The following SLC4A7 variants were observed in gnomAD, a reference collection of about 807,000 sequenced individuals.
SLC4A7 encodes the protein sodium bicarbonate cotransporter 3.
A neutral mutation model predicts 137.6 loss-of-function variants in SLC4A7; 51 were observed. The observed-to-expected ratio is 0.37, with a 90% CI of 0.30 to 0.47. The LOEUF (loss-of-function observed/expected upper bound fraction) is 0.47. Among genes scored for constraint, SLC4A7 ranks in the 20% least tolerant of loss-of-function variants. SLC4A7 has a pLI of 1.00. For synonymous variants in SLC4A7, 542 were observed against 518.6 expected, an observed-to-expected ratio of 1.05 and a Z score of -0.61; for missense variants, 1,247 against 1,525.4, an observed-to-expected ratio of 0.82 and a Z score of 3.04.
At chr3:27,478,769 T>C (rs2059580458) in intron 1 of SLC4A7, among the ~76,000 whole-genome samples, 1 of 146,958 alleles carries the variant, frequency 6.8e-6, no homozygotes, top group South Asian at 2.2e-4. Context: ...AGGTGGATCA[T>C]TTGAGGTCAG....
intron 18 of SLC4A7, among the ~76,000 whole-genome samples, chr3:27,396,422 A>G (rs566553910): frequency 6.6e-6 from 1 of 152,272 alleles, no homozygotes; most frequent in Admixed American, 6.5e-5. Context: ...CCAGGATTAC[A>G]GGAAATTACA....
intron 2 of SLC4A7, among the ~76,000 whole-genome samples, chr3:27,450,633 A>C (rs1183535004): frequency 6.6e-6 from 1 of 152,136 alleles, no homozygotes; most frequent in Admixed American, 6.5e-5. Context: ...CCAAGATAAA[A>C]ATAAATGCTA....
In SLC4A7 at chr3:27,372,754, T is replaced by C. The variant is rs1442889678; in HGVS notation, c.*4010A>G. The C allele has an allele frequency of 6.6e-6, 1 of 152,602 alleles. No homozygotes were observed. Among genetic ancestry groups the C allele is most frequent in the Admixed American group, 6.5e-5 (1 of 15,278 alleles). The allele number at this position is 152,602 out of a possible 1,614,324, so 9.5% of individuals were successfully genotyped here. Reference sequence around the variant, plus strand: ...AGTAGACTTTTATTGCTCAATCAACTTCAGTAACATCTCCAAAAAAATAGT... The same window carrying C: ...AGTAGACTTTTATTGCTCAATCAACCTCAGTAACATCTCCAAAAAAATAGT... On this transcript the variant is annotated 3_prime_UTR_variant, in exon 26 of 26. Coordinates refer to ENST00000454389, the MANE Select transcript of SLC4A7 (RefSeq NM_001321103.2).
At chr3:27,437,633 A>T in intron 3 of SLC4A7, 107 bp from the exon 4 acceptor site, 1 of 525,820 alleles carries the variant, frequency 1.9e-6, no homozygotes, top group East Asian at 3.4e-5. Context: ...ATAAACAAAT[A>T]TATTTCATCA....
chr3:27,470,226 CTT>C (rs199664626), intron 1 of SLC4A7, among the ~76,000 whole-genome samples: 14 of 142,540 alleles, frequency 9.8e-5, no homozygotes, highest in Admixed American at 1.4e-4. Flanking sequence ...AATTGTAGAT[CTT>C]TTTTTTTTTT....
At chr3:27,431,760 T>C (rs1230218033) in intron 6 of SLC4A7, 91 bp from the exon 7 acceptor site, 1 of 1,370,414 alleles carries the variant, frequency 7.3e-7, no homozygotes, top group African/African-American at 1.5e-5. Flanking sequence ...CACTATAAAT[T>C]GCATACTTCA....
intron 1 of SLC4A7, among the ~76,000 whole-genome samples, chr3:27,454,222 T>G (rs2058268266): frequency 6.6e-6 from 1 of 152,134 alleles, no homozygotes; most frequent in African/African-American, 2.4e-5. Flanking sequence ...TCCCAACACT[T>G]TGGGAGGCCG....
At position 27,424,122 on chromosome 3, in the gene SLC4A7, C is replaced by G. The variant is rs1214584961; in HGVS notation, c.1181G>C (p.Gly394Ala). The G allele has an allele frequency of 6.2e-7, 1 of 1,610,158 alleles. No individual in the cohort carries two copies. Among genetic ancestry groups the G allele is most frequent in the South Asian group, 1.1e-5 (1 of 90,568 alleles). Residue 394 changes from glycine (G) to alanine (A), a missense_variant, in exon 8 of 26, where the codon GGA (glycine) becomes GCA (alanine). Gly to Ala is a moderately conservative substitution (Grantham distance 60). Transcript: ENST00000454389. Reference sequence around the variant, plus strand: ...TCCACTTTTACTATTGTCCAAGTTTCCAGGAGCAGACTGGGGAGAGGCCAA... The same window carrying G: ...TCCACTTTTACTATTGTCCAAGTTTGCAGGAGCAGACTGGGGAGAGGCCAA... ...GILASPQSAP[G>A]NLDNSKSGEI...
intron 1 of SLC4A7, among the ~76,000 whole-genome samples, chr3:27,475,032 C>T (rs926873928): frequency 2.0e-5 from 3 of 152,092 alleles, no homozygotes; most frequent in African/African-American, 7.2e-5. Context: ...ATCGCTTGAA[C>T]CTGGGAGGTG....
chr3:27,410,619 A>C (rs2053810990), intron 12 of SLC4A7, among the ~76,000 whole-genome samples: 1 of 152,246 alleles, frequency 6.6e-6, no homozygotes, highest in Admixed American at 6.5e-5. Context: ...GTATATCATC[A>C]AATTGATAAT....
chr3:27,459,261 T>C (rs1422394440), intron 1 of SLC4A7, among the ~76,000 whole-genome samples: 1 of 152,168 alleles, frequency 6.6e-6, no homozygotes, highest in Non-Finnish European at 1.5e-5. Flanking sequence ...CAAAATATTA[T>C]ACACCAAAAT....
At chr3:27,381,897 T>C (rs923016848) in intron 24 of SLC4A7, among the ~76,000 whole-genome samples, 3 of 152,064 alleles carry the variant, frequency 2.0e-5, no homozygotes, top group Non-Finnish European at 2.9e-5. Context: ...ATGACCATTG[T>C]GGCCAACATG....
chr3:27,449,774 T>C (rs2057939138), intron 2 of SLC4A7, among the ~76,000 whole-genome samples: 1 of 152,230 alleles, frequency 6.6e-6, no homozygotes, highest in Admixed American at 6.5e-5. Context: ...GGTCAACTAA[T>C]CTGCAACTAT....
Position 27,431,469 on chromosome 3 carries a change from G to A in SLC4A7, c.979C>T (p.Arg327Cys), listed in dbSNP as rs537526606. 29 of 1,614,108 alleles carry A rather than the reference G, an allele frequency of 1.8e-5. No individual in the cohort carries two copies. Among genetic ancestry groups the A allele is most frequent in the East Asian group, 1.8e-4 (8 of 44,888 alleles). Reference sequence around the variant, plus strand: ...TCTTGGGAACTTCTGGAGGTCAGGCGGCTGATGCTAGGGCTAGAAGGAGGA... The same window carrying A: ...TCTTGGGAACTTCTGGAGGTCAGGCAGCTGATGCTAGGGCTAGAAGGAGGA... Reference protein sequence around the residue: ...NSPPSSPSISRLTSRSSQESQ... With the variant: ...NSPPSSPSISCLTSRSSQESQ... Residue 327 changes from arginine to cysteine, a missense_variant, in exon 7 of 26, where the codon CGC becomes TGC. Coordinates refer to ENST00000454389, the MANE Select transcript of SLC4A7 (RefSeq NM_001321103.2).
intron 3 of SLC4A7, among the ~76,000 whole-genome samples, chr3:27,448,175 G>A (rs2057804666): frequency 7.1e-6 from 1 of 140,384 alleles, no homozygotes; most frequent in South Asian, 2.2e-4. Context: ...TCGTACCACT[G>A]CACTCCAGCC....
intron 16 of SLC4A7, among the ~76,000 whole-genome samples, 156 bp downstream of exon 16, chr3:27,400,608 A>T (rs2052650150): frequency 6.6e-6 from 1 of 152,222 alleles, no homozygotes; most frequent in Non-Finnish European, 1.5e-5. Context: ...CATGATACAT[A>T]AAAAAGTAGC....
Position 27,448,684 on chromosome 3 carries a change from C to A in SLC4A7, c.256G>T (p.Asp86Tyr). 1 of 1,613,152 alleles carries A rather than the reference C, an allele frequency of 6.2e-7. No homozygotes were observed. The highest frequency in any genetic ancestry group is 8.5e-7 in the Non-Finnish European group (1 of 1,179,492). ...GGAGATTCCCGTCCATCTTCTTTAT[C>A]TGATTCTTTATCTTTTCTTCTCCGG... ...HHRRRKDKES[D>Y]KEDGRESPSY... Residue 86 changes from aspartate (D) to tyrosine (Y), a missense_variant, in exon 3 of 26, where the codon GAT (aspartate) becomes TAT (tyrosine). By Grantham distance (160) the Asp-to-Tyr change is radical (BLOSUM62 -3). Coordinates refer to ENST00000454389, the MANE Select transcript of SLC4A7 (RefSeq NM_001321103.2).
intron 1 of SLC4A7, chr3:27,456,796 T>G (rs2058438519): frequency 6.7e-7 from 1 of 1,490,376 alleles, no homozygotes; most frequent in Non-Finnish European, 8.9e-7. Flanking sequence ...AGAGATGAAT[T>G]CTTCTAAGTT....
chr3:27,417,374 T>C (rs1052137096), intron 11 of SLC4A7, among the ~76,000 whole-genome samples: 8 of 152,076 alleles, frequency 5.3e-5, no homozygotes, highest in Admixed American at 2.0e-4. Context: ...TAAAATGTAA[T>C]GGGAAGTGGA....
Sources: allele counts gnomAD v4.1 joint callset (sites outside exome capture counted in the v4.1 genomes callset), GRCh38; gene constraint gnomAD v4.1.1; transcripts MANE v1.5; gene names NCBI Gene and HGNC (gene_info 2026-07-23, HGNC 2026-07-21).